The following REEP3 variants were observed in gnomAD, a reference collection of about 807,000 sequenced individuals.
REEP3 encodes receptor expression-enhancing protein 3.
In REEP3, 20 loss-of-function variants were observed where a neutral mutation model predicts 41.3. The ratio of observed to expected loss-of-function variants is 0.48; its 90% CI spans 0.34 to 0.70. The LOEUF is 0.70. Ranked by LOEUF, REEP3 falls within the 30% of genes least tolerant of loss-of-function variation. The pLI, the probability that REEP3 is intolerant of heterozygous loss-of-function variation, is 0.01. For synonymous variants in REEP3, 104 were observed against 101.8 expected (o/e 1.02, Z -0.13); for missense variants, 271 against 308.8 (o/e 0.88, Z 0.92).
At chr10:63,556,698 G>C (rs1182891023) in intron 1 of REEP3, among the ~76,000 whole-genome samples, 1 of 131,928 alleles carries the variant, frequency 7.6e-6, no homozygotes, top group African/African-American at 2.8e-5. Flanking sequence ...TGCAGTGGCG[G>C]GATCTCGGCT....
intron 2 of REEP3, among the ~76,000 whole-genome samples, chr10:63,590,768 G>T (rs1956054527): frequency 6.6e-6 from 1 of 152,144 alleles, no homozygotes; most frequent in African/African-American, 2.4e-5. Context: ...TTCTTGTGAA[G>T]ATATCTAAAC....
intron 1 of REEP3, chr10:63,562,685 T>C: frequency 4.4e-6 from 2 of 450,126 alleles, no homozygotes; most frequent in Non-Finnish European, 8.9e-6. Flanking sequence ...CCACCAGGCA[T>C]GTACTGCCCT....
chr10:63,549,076 C>G (rs1259679901), intron 1 of REEP3, among the ~76,000 whole-genome samples: 1 of 152,070 alleles, frequency 6.6e-6, no homozygotes, highest in Non-Finnish European at 1.5e-5. Flanking sequence ...AGCCACCTTT[C>G]ACCTAAGGAC....
chr10:63,589,770 AG>A (rs1956041413), intron 2 of REEP3, among the ~76,000 whole-genome samples: 1 of 147,764 alleles, frequency 6.8e-6, no homozygotes, highest in Non-Finnish European at 1.5e-5. Context: ...TAATGTACTA[AG>A]AACAGCAGAA....
intron 2 of REEP3, among the ~76,000 whole-genome samples, chr10:63,578,667 C>T (rs1376074499): frequency 6.6e-6 from 1 of 152,092 alleles, no homozygotes; most frequent in East Asian, 1.9e-4. Context: ...GTCCCAGCCA[C>T]TTGAGAGGTT....
chr10:63,583,201 C>G (rs1406920344), intron 2 of REEP3, among the ~76,000 whole-genome samples: 1 of 152,096 alleles, frequency 6.6e-6, no homozygotes, highest in Non-Finnish European at 1.5e-5. Context: ...CTGTGTTAGC[C>G]AGGATGGTGT....
At chr10:63,596,060 A>G (rs1247289575) in intron 3 of REEP3, among the ~76,000 whole-genome samples, 3 of 152,008 alleles carry the variant, frequency 2.0e-5, no homozygotes, top group Non-Finnish European at 4.4e-5. Flanking sequence ...TGTCTTTCCC[A>G]TTTTGCTCTT....
chr10:63,550,519 A>G (rs1447615687), intron 1 of REEP3, among the ~76,000 whole-genome samples: 1 of 152,222 alleles, frequency 6.6e-6, no homozygotes, highest in Non-Finnish European at 1.5e-5. Context: ...AGAAGTCTCT[A>G]AATTTCTGAG....
At chr10:63,610,943 AC>A (rs1238009143) in intron 6 of REEP3, among the ~76,000 whole-genome samples, 1 of 152,158 alleles carries the variant, frequency 6.6e-6, no homozygotes, top group African/African-American at 2.4e-5. Context: ...GTGGTGGCAC[AC>A]GCCTGTAATC....
intron 2 of REEP3, among the ~76,000 whole-genome samples, chr10:63,588,061 C>A (rs368349090): frequency 2.6e-5 from 4 of 152,184 alleles, no homozygotes; most frequent in African/African-American, 7.2e-5. Flanking sequence ...TTAAAAACAT[C>A]TTTTCTAAAC....
chr10:63,558,611 A>AC (rs1168790831), intron 1 of REEP3, among the ~76,000 whole-genome samples: 1 of 151,608 alleles, frequency 6.6e-6, no homozygotes, highest in Non-Finnish European at 1.5e-5. Context: ...ACATGGCAAG[A>AC]CCCCCCTCTC....
chr10:63,583,541 T>C (rs1035803897), intron 2 of REEP3, among the ~76,000 whole-genome samples: 2 of 152,238 alleles, frequency 1.3e-5, no homozygotes, highest in African/African-American at 4.8e-5. Flanking sequence ...GCTCGGTTAA[T>C]GTCCTTTGTG....
intron 1 of REEP3, among the ~76,000 whole-genome samples, chr10:63,522,135 A>G (rs930401880): frequency 6.6e-6 from 1 of 151,636 alleles, no homozygotes; most frequent in African/African-American, 2.4e-5. Context: ...AGGAGGAGAG[A>G]TTTGTCTAAA....
At chr10:63,604,633 G>C (rs967869692) in intron 5 of REEP3, among the ~76,000 whole-genome samples, 1 of 152,068 alleles carries the variant, frequency 6.6e-6, no homozygotes, top group South Asian at 2.1e-4. Flanking sequence ...AGGATATACA[G>C]CTTAGTATTA....
intron 4 of REEP3, 53 bp from the exon 5 acceptor site, chr10:63,599,117 G>T (rs530085628): frequency 4.8e-6 from 4 of 837,034 alleles, no homozygotes; most frequent in Non-Finnish European, 7.8e-6. Context: ...CTAGTTTGGG[G>T]CTTATTAACA....
chr10:63,619,737 A>G lies in REEP3; in HGVS notation c.648A>G (p.Thr216=). Residue 216 remains threonine, a synonymous_variant, in exon 7 of 8, where the codon ACA becomes ACG. Transcript: ENST00000373758. The stretch of plus-strand genomic sequence containing the variant: ...CATATTCAGATAATGAGATGTTAAC[A>G]CACAAAGGGCTTCGAAGATCGCAAA... The part of the protein sequence containing the change: ...EGPYSDNEML[T]HKGLRRSQSM... 6.2e-7 allele frequency: 1 copy of G among 1,609,528 alleles called. No homozygotes were observed. Among genetic ancestry groups the G allele is most frequent in the Non-Finnish European group, 8.5e-7 (1 of 1,177,876 alleles).
At chr10:63,593,370 T>TA (rs1349107372) in intron 2 of REEP3, among the ~76,000 whole-genome samples, 1 of 152,214 alleles carries the variant, frequency 6.6e-6, no homozygotes, top group Non-Finnish European at 1.5e-5. Context: ...CTGCCTGGTA[T>TA]AATGGGTTAA....
chr10:63,521,676 G>A (rs950749790), intron 1 of REEP3, 99 bp downstream of exon 1: 6 of 899,392 alleles, frequency 6.7e-6, no homozygotes, highest in East Asian at 3.6e-5. Context: ...GGGCCTGGGC[G>A]GGGACGGGGT....
At chr10:63,538,347 A>C (rs1396545087) in intron 1 of REEP3, among the ~76,000 whole-genome samples, 1 of 152,196 alleles carries the variant, frequency 6.6e-6, no homozygotes, top group East Asian at 1.9e-4. Flanking sequence ...GATGGTTCTA[A>C]ACCTATCAGT....
Sources: gnomAD v4.1 joint callset for allele counts (sites outside exome capture counted in the v4.1 genomes callset) on GRCh38, gnomAD v4.1.1 for gene constraint, MANE v1.5 for transcripts, NCBI Gene and HGNC (gene_info 2026-07-23, HGNC 2026-07-21) for gene names.